RBFOX1: variants seen among roughly 807,000 people sequenced by gnomAD.
RBFOX1 encodes the protein RNA binding protein fox-1 homolog 1.
In RBFOX1, 8 loss-of-function variants were observed where a neutral mutation model predicts 57.7. The ratio of observed to expected loss-of-function variants is 0.14; its 90% CI spans 0.08 to 0.25. The LOEUF (loss-of-function observed/expected upper bound fraction) is 0.25, where lower values mean the gene tolerates loss of function less well. Ranked by LOEUF, RBFOX1 falls within the 10% of genes least tolerant of loss-of-function variation. The pLI is 1.00. For missense variants in RBFOX1, 611 were observed against 548.5 expected (o/e 1.11, Z -1.14); for synonymous variants, 326 against 222.4 (o/e 1.47, Z -4.15).
At chr16:5,660,826 A>G (rs550628465) in intron 3 of RBFOX1, among the ~76,000 whole-genome samples, 1 of 152,256 alleles carries the variant, frequency 6.6e-6, no homozygotes, top group South Asian at 2.1e-4. Context: ...GTAGACAGGA[A>G]GAGATTCCTG....
intron 4 of RBFOX1, among the ~76,000 whole-genome samples, chr16:7,248,351 C>T (rs1219702651): frequency 6.6e-6 from 1 of 152,192 alleles, no homozygotes; most frequent in Non-Finnish European, 1.5e-5. Flanking sequence ...ATTTTGTCGT[C>T]AGCTCTTCTA....
At chr16:6,654,711 C>G (rs1015172547) in intron 3 of RBFOX1, 61 bp downstream of exon 3, 2 of 1,339,910 alleles carry the variant, frequency 1.5e-6, no homozygotes, top group African/African-American at 1.5e-5. Context: ...TGAATTGAAC[C>G]CAGGTGTTTA....
intron 3 of RBFOX1, among the ~76,000 whole-genome samples, chr16:5,683,792 A>G (rs1232980639): frequency 2.7e-5 from 4 of 148,228 alleles, no homozygotes; most frequent in African/African-American, 9.8e-5. Context: ...TTTATATTAT[A>G]TGTTTTATAT....
chr16:7,350,761 TG>T (rs2097114312), intron 4 of RBFOX1, among the ~76,000 whole-genome samples: 1 of 152,026 alleles, frequency 6.6e-6, no homozygotes. Context: ...TTCAGGGATG[TG>T]GGGTAACAGA....
chr16:7,405,551 C>G (rs1338900451), intron 4 of RBFOX1, among the ~76,000 whole-genome samples: 1 of 152,136 alleles, frequency 6.6e-6, no homozygotes, highest in African/African-American at 2.4e-5. Flanking sequence ...TTAAATATGC[C>G]TCCCGTGTGC....
intron 1 of RBFOX1, among the ~76,000 whole-genome samples, chr16:6,047,477 A>C (rs190162557): frequency 6.0e-4 from 92 of 152,344 alleles, no homozygotes; most frequent in Non-Finnish European, 1.2e-3. Context: ...CTATGTGACC[A>C]AAGCTTTAGA....
chr16:6,959,239 C>G (rs1011656278), intron 3 of RBFOX1, among the ~76,000 whole-genome samples: 1 of 152,182 alleles, frequency 6.6e-6, no homozygotes, highest in African/African-American at 2.4e-5. Context: ...TTGCTAAGCT[C>G]AGGGGACAGG....
chr16:7,335,179 T>C (rs1487109647), intron 4 of RBFOX1, among the ~76,000 whole-genome samples: 1 of 152,236 alleles, frequency 6.6e-6, no homozygotes, highest in African/African-American at 2.4e-5. Flanking sequence ...GATGCTCAGC[T>C]CTGAGCCGAT....
intron 5 of RBFOX1, among the ~76,000 whole-genome samples, chr16:7,550,175 C>T (rs1462552374): frequency 1.3e-5 from 2 of 152,102 alleles, no homozygotes; most frequent in South Asian, 2.1e-4. Flanking sequence ...AGGCAATTCT[C>T]CCTCCTCGGC....
At chr16:6,230,150 C>G (rs1421582647) in intron 1 of RBFOX1, among the ~76,000 whole-genome samples, 1 of 152,056 alleles carries the variant, frequency 6.6e-6, no homozygotes, top group Non-Finnish European at 1.5e-5. Flanking sequence ...AATAGCTTTT[C>G]CCTTTGCAAA....
intron 2 of RBFOX1, among the ~76,000 whole-genome samples, chr16:5,467,519 T>G (rs1049670657): frequency 6.6e-6 from 1 of 152,170 alleles, no homozygotes; most frequent in Admixed American, 6.5e-5. Flanking sequence ...AGGCAGGCAG[T>G]TAAACAGCTT....
At chr16:6,569,592 G>A (rs189802032) in intron 2 of RBFOX1, among the ~76,000 whole-genome samples, 28 of 152,292 alleles carry the variant, frequency 1.8e-4, no homozygotes, top group African/African-American at 6.0e-4. Context: ...AAATAGTTGC[G>A]ACGTGGAGAA....
intron 4 of RBFOX1, among the ~76,000 whole-genome samples, chr16:7,248,181 G>A (rs964426192): frequency 2.0e-5 from 3 of 152,194 alleles, no homozygotes; most frequent in African/African-American, 7.2e-5. Flanking sequence ...ATCAGTTAGG[G>A]ATATTACCAG....
intron 4 of RBFOX1, among the ~76,000 whole-genome samples, chr16:7,118,005 C>T (rs1441893872): frequency 6.6e-6 from 1 of 152,172 alleles, no homozygotes; most frequent in Non-Finnish European, 1.5e-5. Flanking sequence ...GATTTCCTCT[C>T]TTTGCAATTG....
In RBFOX1 at chr16:6,212,600, G is replaced by T. The variant is rs2097305668; in HGVS notation, c.-126-104395G>T. Among the ~76,000 whole-genome samples the T allele has an allele frequency of 2.0e-5, 3 of 152,066 alleles. No individual in the cohort carries two copies. In the South Asian group the frequency reaches 6.2e-4, roughly 32 times the overall value. The stretch of plus-strand genomic sequence containing the variant: ...TGGGCGCCTGTAGTCCCAGCTACTT[G>T]GGAGGCTGAGGCTGGAGAATGGCGT... On this transcript the variant is annotated intron_variant, in intron 1 of 15. Coordinates refer to ENST00000550418, the MANE Select transcript of RBFOX1 (RefSeq NM_018723.4).
chr16:6,420,386 T>C (rs1195762097), intron 2 of RBFOX1, among the ~76,000 whole-genome samples: 1 of 152,182 alleles, frequency 6.6e-6, no homozygotes, highest in Admixed American at 6.5e-5. Flanking sequence ...TTTTACACTT[T>C]CAACATTTTC....
At chr16:5,789,629 C>G (rs1468414466) in intron 3 of RBFOX1, among the ~76,000 whole-genome samples, 1 of 152,082 alleles carries the variant, frequency 6.6e-6, no homozygotes, top group Non-Finnish European at 1.5e-5. Context: ...AAGCTTTTTC[C>G]CCAGTCGTAT....
At chr16:6,947,383 G>T (rs552667203) in intron 3 of RBFOX1, among the ~76,000 whole-genome samples, 1 of 152,106 alleles carries the variant, frequency 6.6e-6, no homozygotes, top group African/African-American at 2.4e-5. Flanking sequence ...CATCTTAATC[G>T]CTCTCCCTGG....
rs111831157 is a variant in RBFOX1, at chr16:6,731,991, G to A, written c.-16+77341G>A. 2.4e-3 allele frequency among the ~76,000 whole-genome samples: 359 copies of A among 152,268 alleles called. 1 individual carries two copies. The highest frequency in any genetic ancestry group is 4.2e-3 in the Admixed American group (64 of 15,292). ...CTAAAACCAAATTTGAATCAAAAGG[G>A]AAGATTTTTTTTAAAGGATCTAGGT... On this transcript the variant is annotated intron_variant, in intron 3 of 15. Transcript: ENST00000550418.
Sources: gnomAD v4.1 joint callset for allele counts (sites outside exome capture counted in the v4.1 genomes callset) on GRCh38, gnomAD v4.1.1 for gene constraint, MANE v1.5 for transcripts, NCBI Gene and HGNC (gene_info 2026-07-23, HGNC 2026-07-21) for gene names.